ADAP1: variants seen among roughly 807,000 people sequenced by gnomAD.
ADAP1 encodes the protein ArfGAP with dual PH domains 1.
Under a neutral mutation model 54.9 loss-of-function variants are expected in ADAP1, and 31 were observed. That is an observed-to-expected ratio of 0.56 (90% CI 0.42 to 0.76). ADAP1 has a LOEUF of 0.76. Ranked by LOEUF, ADAP1 falls within the 30% of genes least tolerant of loss-of-function variation. The pLI is 0.00. For synonymous variants in ADAP1, 313 were observed against 202.6 expected (o/e 1.55, Z -4.63); for missense variants, 535 against 512.4 (o/e 1.04, Z -0.42).
At chr7:953,580 C>T (rs1020031877) in intron 1 of ADAP1, among the ~76,000 whole-genome samples, 2 of 152,194 alleles carry the variant, frequency 1.3e-5, no homozygotes, top group Non-Finnish European at 2.9e-5. Context: ...CCTGGGGTGG[C>T]GGGACTGCTC....
rs145862933 is a variant in ADAP1 at position 941,492 on chromosome 7, T to C, written c.83-5987A>G. The stretch of plus-strand genomic sequence containing the variant: ...TACAAGATAAATATACAAAAATCTA[T>C]TGTATTTCTATACACTAGCAACAAG... On this transcript the variant is annotated intron_variant, in intron 1 of 10. Coordinates refer to ENST00000265846, the MANE Select transcript of ADAP1 (RefSeq NM_006869.4). Among the ~76,000 whole-genome samples, 261 of 152,338 alleles carry C rather than the reference T, an allele frequency of 1.7e-3. 2 individuals carry two copies. Among genetic ancestry groups the C allele is most frequent in the Non-Finnish European group, 1.9e-3 (130 of 68,036 alleles).
intron 4 of ADAP1, chr7:905,553 A>AGAAAGGAGAAGGGAGAAAGGAGAAAGG (rs1845164966): frequency 2.0e-4 from 1 of 5,108 alleles, no homozygotes; most frequent in Non-Finnish European, 4.0e-4. Flanking sequence ...GGGAGAAGGG[A>AGAAAGGAGAAGGGAGAAAGGAGAAAGG]GAAAGGAGAA....
At position 938,169 on chromosome 7, in the gene ADAP1, CTTGTA is replaced by C. The variant is rs1180605119; in HGVS notation, c.83-2669_83-2665del. On this transcript the variant is annotated intron_variant, in intron 1 of 10. Coordinates refer to ENST00000265846, the MANE Select transcript of ADAP1 (RefSeq NM_006869.4). This position sits in a 1 kb window ranked among gnomAD's most constrained non-coding sequence, Gnocchi z 4.4. Reference sequence around the variant, plus strand: ...TTTGGTTTTGCGGGGTTTTTTTTGTCTTGTATTGTATTGTTTTGTTTTGAGACAGG... The same window carrying C: ...TTTGGTTTTGCGGGGTTTTTTTTGTCTTGTATTGTTTTGTTTTGAGACAGG... 2.0e-5 allele frequency among the ~76,000 whole-genome samples: 3 copies of C among 151,698 alleles called. No individual in the cohort carries two copies. Among genetic ancestry groups the C allele is most frequent in the Non-Finnish European group, 4.4e-5 (3 of 67,974 alleles).
chr7:915,860 C>T (rs1023553495), intron 4 of ADAP1, among the ~76,000 whole-genome samples: 16 of 149,634 alleles, frequency 1.1e-4, no homozygotes, highest in Admixed American at 6.7e-5. Context: ...ACCCAGAACC[C>T]GCGCCCACTT....
Position 920,050 on chromosome 7 carries a change from C to A in ADAP1, c.306G>T (p.Gln102His). The change falls in exon 4 of 11, where the codon CAG becomes CAT. Residue 102 changes from glutamine (Q) to histidine (H), a missense_variant and splice_region_variant. Gln to His is a conservative substitution (Grantham distance 24). Transcript: ENST00000265846. This position sits in a 1 kb window ranked among gnomAD's most constrained non-coding sequence, Gnocchi z 4.5. ...FYYRPTPSDC[Q>H]LLREQWIRAK... ...CCCGGATCCACTGCTCTCGAAGGAG[C>A]CTGTGGGGAGAGGAGAGACTGAGCC... is the stretch of plus-strand genomic sequence containing the variant. The A allele has an allele frequency of 6.2e-7, 1 of 1,605,284 alleles. No individual in the cohort carries two copies. The highest frequency in any genetic ancestry group is 1.1e-5 in the South Asian group (1 of 90,980).
intron 4 of ADAP1, among the ~76,000 whole-genome samples, chr7:906,782 C>CATGG (rs1246564901): frequency 1.2e-4 from 1 of 8,192 alleles, no homozygotes; most frequent in African/African-American, 4.6e-4. Flanking sequence ...GGACAGGGGA[C>CATGG]ACGGGGGACG....
intron 1 of ADAP1, among the ~76,000 whole-genome samples, chr7:944,644 G>T (rs1386444023): frequency 6.6e-6 from 1 of 152,190 alleles, no homozygotes; most frequent in Non-Finnish European, 1.5e-5. Context: ...CTACAGGCAT[G>T]CAATGTGAAA....
chr7:912,685 C>T (rs1845772495), intron 4 of ADAP1, among the ~76,000 whole-genome samples: 1 of 152,228 alleles, frequency 6.6e-6, no homozygotes, highest in African/African-American at 2.4e-5. Context: ...AGAGGTGTTT[C>T]CGCTTCCCTC....
chr7:947,373 G>GGA (rs1468702925), intron 1 of ADAP1, among the ~76,000 whole-genome samples: 2 of 151,836 alleles, frequency 1.3e-5, no homozygotes, highest in Admixed American at 6.6e-5. Context: ...TTTTAAAAAA[G>GGA]GAGAGAGAGA....
chr7:946,271 G>C lies in ADAP1; in HGVS notation c.82+8125C>G, dbSNP rs1421802978. ...GGCTCCCGCCGGCCGGTGGATCCCC[G>C]CCAGCGAGGCAGTGACCTCTGGAGC... On this transcript the variant is annotated intron_variant, in intron 1 of 10. Coordinates refer to ENST00000265846, the MANE Select transcript of ADAP1 (RefSeq NM_006869.4). The surrounding 1 kb of genome is among the most constrained non-coding windows in gnomAD (Gnocchi z 4.3). 6.6e-6 allele frequency among the ~76,000 whole-genome samples: 1 copy of C among 152,076 alleles called. No homozygotes were observed. The highest frequency in any genetic ancestry group is 1.5e-5 in the Non-Finnish European group (1 of 68,006).
intron 1 of ADAP1, among the ~76,000 whole-genome samples, chr7:947,037 G>C (rs1562938109): frequency 2.6e-5 from 4 of 151,260 alleles, no homozygotes; most frequent in African/African-American, 9.7e-5. Flanking sequence ...TTGGGGTTTT[G>C]TTTTTTTTCA....
chr7:921,328 T>C (rs1846184670), intron 3 of ADAP1, among the ~76,000 whole-genome samples: 2 of 152,328 alleles, frequency 1.3e-5, no homozygotes, highest in East Asian at 3.9e-4. Flanking sequence ...GATCCTACTT[T>C]TCTTTCTTTT....
At chr7:929,479 G>A (rs191637440) in intron 2 of ADAP1, among the ~76,000 whole-genome samples, 92 of 149,190 alleles carry the variant, frequency 6.2e-4, no homozygotes, top group Non-Finnish European at 1.1e-3. Flanking sequence ...CTGGGAGTTC[G>A]GGACCAGCTT....
chr7:951,067 G>C (rs1847256550), intron 1 of ADAP1, among the ~76,000 whole-genome samples: 2 of 151,428 alleles, frequency 1.3e-5, no homozygotes, highest in African/African-American at 4.8e-5. Flanking sequence ...ACGATGAGAA[G>C]GTAAATTATT....
chr7:907,823 G>A (rs1322885738), intron 4 of ADAP1, among the ~76,000 whole-genome samples: 2 of 152,152 alleles, frequency 1.3e-5, no homozygotes, highest in Non-Finnish European at 2.9e-5. Flanking sequence ...CTCAGTGGGT[G>A]CAGACTCTCC....
Position 904,255 on chromosome 7 carries a change from G to A in ADAP1, c.519C>T (p.Ala173=), listed in dbSNP as rs74366959. The change falls in exon 6 of 11, where the codon GCC becomes GCT. Residue 173 remains alanine (A), a synonymous_variant. Transcript: ENST00000265846. Reference sequence around the variant, plus strand: ...CGTTCAGGTGCTCGATCTTCATCACGGCCTTGGGCTCCTTGGCCTGAGAAG... The same window carrying A: ...CGTTCAGGTGCTCGATCTTCATCACAGCCTTGGGCTCCTTGGCCTGAGAAG... ...FNRNDAKEPK[A]VMKIEHLNAT... 3.1e-4 allele frequency: 501 copies of A among 1,600,578 alleles called. 1 individual carries two copies. The highest frequency in any genetic ancestry group is 2.2e-3 in the Middle Eastern group (13 of 6,014).
chr7:940,397 A>C (rs895059685), intron 1 of ADAP1, among the ~76,000 whole-genome samples: 4 of 151,962 alleles, frequency 2.6e-5, no homozygotes, highest in African/African-American at 7.3e-5. Flanking sequence ...GACCTTTTAC[A>C]TAAGAATCAA....
At chr7:905,037 C>G (rs373432696) in intron 5 of ADAP1, 23 bp downstream of exon 5, 1 of 1,597,924 alleles carries the variant, frequency 6.3e-7, no homozygotes, top group African/African-American at 1.3e-5. Flanking sequence ...CAGGCCCCCA[C>G]CCCACCCCCG....
chr7:926,864 G>A lies in ADAP1; in HGVS notation c.214-220C>T, dbSNP rs753876268. On this transcript the variant is annotated intron_variant, in intron 2 of 10. Transcript: ENST00000265846. The surrounding 1 kb of genome is among the most constrained non-coding windows in gnomAD (Gnocchi z 4.6). The stretch of plus-strand genomic sequence containing the variant: ...CAGGGAAGGAGCCAGCGTCCCTAAC[G>A]ACGGGGTCCCGGCAAAGGGGGCCCA... 7.0e-6 allele frequency: 6 copies of A among 858,612 alleles called. No individual in the cohort carries two copies. Among genetic ancestry groups the A allele is most frequent in the East Asian group, 6.4e-5 (2 of 31,444 alleles). The allele number at this position is 858,612 out of a possible 1,614,324, so 53.2% of individuals were successfully genotyped here.
Sources: allele counts gnomAD v4.1 joint callset (sites outside exome capture counted in the v4.1 genomes callset), GRCh38; gene constraint gnomAD v4.1.1; non-coding constraint Gnocchi (gnomAD v3.1); transcripts MANE v1.5; gene names NCBI Gene and HGNC (gene_info 2026-07-23, HGNC 2026-07-21).